The following ELOVL6 variants were observed in gnomAD, a reference collection of about 807,000 sequenced individuals.
The protein encoded by ELOVL6 is very long chain fatty acid elongase 6.
Under a neutral mutation model 31.7 loss-of-function variants are expected in ELOVL6, and 8 were observed. That is an observed-to-expected ratio of 0.25 (90% CI 0.15 to 0.45). The LOEUF (loss-of-function observed/expected upper bound fraction) is 0.45, where lower values mean the gene tolerates loss of function less well. Ranked by LOEUF, ELOVL6 falls within the 20% of genes least tolerant of loss-of-function variation. The pLI is 1.00. For synonymous variants in ELOVL6, 101 were observed against 117.7 expected, an observed-to-expected ratio of 0.86 and a Z score of 0.92; for missense variants, 126 against 326.4, an observed-to-expected ratio of 0.39 and a Z score of 4.73.
At chr4:110,187,445 GAA>G (rs745927007) in intron 1 of ELOVL6, among the ~76,000 whole-genome samples, 5 of 128,680 alleles carry the variant, frequency 3.9e-5, no homozygotes, top group Admixed American at 8.0e-5. Context: ...TCAGCAAAAT[GAA>G]AAAAAAAAAA....
intron 2 of ELOVL6, among the ~76,000 whole-genome samples, chr4:110,093,719 CAG>C (rs909908256): frequency 3.3e-5 from 5 of 152,024 alleles, no homozygotes; most frequent in Non-Finnish European, 4.4e-5. Flanking sequence ...GGAAATCAGA[CAG>C]ACAAAAATCA....
intron 1 of ELOVL6, among the ~76,000 whole-genome samples, chr4:110,129,891 ATTT>A (rs371838858): frequency 4.3e-5 from 4 of 93,538 alleles, no homozygotes; most frequent in East Asian, 7.2e-4. Flanking sequence ...ATCCAATCCA[ATTT>A]TTTTTTTTTT....
At chr4:110,063,342 G>A (rs1195591634) in intron 2 of ELOVL6, among the ~76,000 whole-genome samples, 4 of 152,268 alleles carry the variant, frequency 2.6e-5, no homozygotes, top group Non-Finnish European at 5.9e-5. Flanking sequence ...CGACCCCAAG[G>A]AGGGACATCT....
chr4:110,090,282 T>C (rs1292830938), intron 2 of ELOVL6, among the ~76,000 whole-genome samples: 1 of 152,204 alleles, frequency 6.6e-6, no homozygotes, highest in Non-Finnish European at 1.5e-5. Context: ...TTTTTTTCTG[T>C]GGGTTCCTTT....
At chr4:110,082,819 A>T (rs912284641) in intron 2 of ELOVL6, among the ~76,000 whole-genome samples, 1 of 152,232 alleles carries the variant, frequency 6.6e-6, no homozygotes, top group South Asian at 2.1e-4. Flanking sequence ...CTGTCAAGGG[A>T]CGCATGACTG....
At chr4:110,084,135 A>ATATATAACATATATG (rs1553955997) in intron 2 of ELOVL6, among the ~76,000 whole-genome samples, 1 of 35,296 alleles carries the variant, frequency 2.8e-5, no homozygotes. Flanking sequence ...ATATGTGATA[A>ATATATAACATATATG]TGATATATAT....
chr4:110,108,627 A>G (rs1756950908), intron 1 of ELOVL6, among the ~76,000 whole-genome samples: 1 of 152,212 alleles, frequency 6.6e-6, no homozygotes, highest in Non-Finnish European at 1.5e-5. Context: ...AGAAAAGAGA[A>G]TAGGGAACCG....
At chr4:110,102,566 G>C (rs1213238111) in intron 2 of ELOVL6, among the ~76,000 whole-genome samples, 1 of 152,022 alleles carries the variant, frequency 6.6e-6, no homozygotes, top group African/African-American at 2.4e-5. Context: ...GGCTAAGTTA[G>C]TAGGATCACT....
intron 2 of ELOVL6, among the ~76,000 whole-genome samples, chr4:110,099,406 T>C (rs940474493): frequency 7.2e-5 from 11 of 152,128 alleles, no homozygotes; most frequent in South Asian, 2.1e-4. Flanking sequence ...AATGAAAATA[T>C]AGCCAGGAAA....
intron 1 of ELOVL6, among the ~76,000 whole-genome samples, chr4:110,144,598 C>G (rs1341543097): frequency 6.6e-6 from 1 of 152,148 alleles, no homozygotes; most frequent in Admixed American, 6.5e-5. Flanking sequence ...CAGCACTACT[C>G]TTTCCAACTT....
chr4:110,049,589 T>C lies in ELOVL6; in HGVS notation c.*1749A>G, dbSNP rs900926076. ...GCAAGAAAGAGAAACAACAGTTTTGTTTTGTTTTTTTCTGCTAGCCAGAAA... is the reference window on the plus strand; with the variant it reads ...GCAAGAAAGAGAAACAACAGTTTTGCTTTGTTTTTTTCTGCTAGCCAGAAA... On this transcript the variant is annotated 3_prime_UTR_variant, in exon 4 of 4. Coordinates refer to ENST00000302274, the MANE Select transcript of ELOVL6 (RefSeq NM_024090.3). 6.6e-6 allele frequency: 1 copy of C among 152,272 alleles called. No individual in the cohort carries two copies. Among genetic ancestry groups the C allele is most frequent in the Non-Finnish European group, 1.5e-5 (1 of 67,974 alleles). The allele number at this position is 152,272 out of a possible 1,614,324, so 9.4% of individuals were successfully genotyped here.
rs1294319883 is a variant in ELOVL6, at chr4:110,048,729, C to CT, written c.*2608dup. 6.6e-6 allele frequency: 1 copy of CT among 151,956 alleles called. No homozygotes were observed. Among genetic ancestry groups the CT allele is most frequent in the African/African-American group, 2.4e-5 (1 of 41,364 alleles). The allele number at this position is 151,956 out of a possible 1,614,324, so 9.4% of individuals were successfully genotyped here. ...TTGTTTTGTTTTAAAAAAAATGTGG[C>CT]TTTTTTCCTCCCATGATAAACATTG... On this transcript the variant is annotated 3_prime_UTR_variant, in exon 4 of 4. Transcript: ENST00000302274.
intron 2 of ELOVL6, among the ~76,000 whole-genome samples, chr4:110,065,709 AT>A (rs1156909198): frequency 1.3e-5 from 2 of 152,176 alleles, no homozygotes; most frequent in Non-Finnish European, 2.9e-5. Context: ...AAAAGACTGA[AT>A]AACTCTATAT....
intron 3 of ELOVL6, among the ~76,000 whole-genome samples, chr4:110,056,124 G>GGGA (rs1553953509): frequency 6.7e-5 from 9 of 134,126 alleles, no homozygotes; most frequent in Admixed American, 6.1e-4. Context: ...GTGGGAGCTG[G>GGGA]GGGGGGGGAT....
At chr4:110,194,547 T>C (rs1578294967) in intron 1 of ELOVL6, among the ~76,000 whole-genome samples, 1 of 152,160 alleles carries the variant, frequency 6.6e-6, no homozygotes, top group Non-Finnish European at 1.5e-5. Context: ...GGCCAATGAG[T>C]ATGAGGTTAA....
At chr4:110,178,598 T>A (rs1759183584) in intron 1 of ELOVL6, among the ~76,000 whole-genome samples, 1 of 150,796 alleles carries the variant, frequency 6.6e-6, no homozygotes, top group Non-Finnish European at 1.5e-5. Context: ...GGCTCACACC[T>A]ATAGTCCCAG....
rs1553956171 is a variant in ELOVL6 at position 110,084,425 on chromosome 4, A to ATATAT, written c.221+21071_221+21072insATATA. 4.5e-3 allele frequency among the ~76,000 whole-genome samples: 283 copies of ATATAT among 63,558 alleles called. 9 individuals are homozygous for ATATAT. The highest frequency in any genetic ancestry group is 8.4e-3 in the African/African-American group (67 of 7,990). 41.7% of individuals were successfully genotyped at this position (63,558 alleles called of 152,430 possible). A position where few individuals can be genotyped will look rare whatever the true frequency, so the allele number is the denominator to read the frequency against. On this transcript the variant is annotated intron_variant, in intron 2 of 3. Coordinates refer to ENST00000302274, the MANE Select transcript of ELOVL6 (RefSeq NM_024090.3). ...TGATATATGACATACATGATATATC[A>ATATAT]CATATATCATATATGATATATCGCA...
intron 1 of ELOVL6, among the ~76,000 whole-genome samples, chr4:110,149,876 C>A (rs1392330585): frequency 6.6e-6 from 1 of 152,132 alleles, no homozygotes; most frequent in African/African-American, 2.4e-5. Context: ...TAAATGTATT[C>A]ATTTTCAAAG....
intron 3 of ELOVL6, among the ~76,000 whole-genome samples, chr4:110,054,426 CA>C (rs1754921803): frequency 6.6e-6 from 1 of 152,158 alleles, no homozygotes; most frequent in African/African-American, 2.4e-5. Flanking sequence ...AACGCAGACA[CA>C]ATCAATTCCA....
Sources: allele counts gnomAD v4.1 joint callset (sites outside exome capture counted in the v4.1 genomes callset), GRCh38; gene constraint gnomAD v4.1.1; transcripts MANE v1.5; gene names NCBI Gene and HGNC (gene_info 2026-07-23, HGNC 2026-07-21).